Variants in PHACTR1 observed in about 807,000 individuals in gnomAD.
The protein encoded by PHACTR1 is phosphatase and actin regulator 1.
In PHACTR1, 16 loss-of-function variants were observed where a neutral mutation model predicts 69.2. The observed-to-expected ratio is 0.23, with a 90% confidence interval of 0.16 to 0.35. The LOEUF is 0.35. Among genes scored for constraint, PHACTR1 ranks in the 10% least tolerant of loss-of-function variants. The pLI is 1.00. For missense variants in PHACTR1, 510 were observed against 734.7 expected (o/e 0.69, Z 3.54); for synonymous variants, 312 against 284.5 (o/e 1.10, Z -0.97).
At chr6:12,801,147 C>T (rs1375324517) in intron 4 of PHACTR1, among the ~76,000 whole-genome samples, 2 of 151,978 alleles carry the variant, frequency 1.3e-5, no homozygotes, top group East Asian at 1.9e-4. Flanking sequence ...GGTGAAGTAA[C>T]TTGGACAAAG....
At position 13,286,131 on chromosome 6, in the gene PHACTR1, T is replaced by G; in HGVS notation, c.1651-15T>G. On this transcript the variant is annotated splice_polypyrimidine_tract_variant and intron_variant, in intron 13 of 14. Transcript: ENST00000332995. ...TCTCTCCCATTGCACATTGATGGGC[T>G]TCTGTTGATTCCAGGCTGCCATCCG... 1 of 1,592,620 alleles carries G rather than the reference T, an allele frequency of 6.3e-7. No homozygotes were observed. The highest frequency in any genetic ancestry group is 8.5e-7 in the Non-Finnish European group (1 of 1,171,048).
At chr6:12,865,460 GTGT>G (rs1781358323) in intron 4 of PHACTR1, among the ~76,000 whole-genome samples, 1 of 29,434 alleles carries the variant, frequency 3.4e-5, no homozygotes, top group East Asian at 6.1e-3. Context: ...TTTAATGGGT[GTGT>G]GTGTGTGTGT....
intron 12 of PHACTR1, among the ~76,000 whole-genome samples, chr6:13,281,828 C>T (rs1166933128): frequency 6.6e-6 from 1 of 152,200 alleles, no homozygotes; most frequent in African/African-American, 2.4e-5. Flanking sequence ...TGGGTTCCCG[C>T]GACAGGCCCA....
At chr6:12,975,615 C>T (rs1219937213) in intron 4 of PHACTR1, among the ~76,000 whole-genome samples, 1 of 152,156 alleles carries the variant, frequency 6.6e-6, no homozygotes, top group Non-Finnish European at 1.5e-5. Context: ...GGGTCTCACT[C>T]CGTCACCCAG....
At chr6:12,998,112 T>C (rs1446397709) in intron 4 of PHACTR1, among the ~76,000 whole-genome samples, 1 of 152,162 alleles carries the variant, frequency 6.6e-6, no homozygotes, top group Non-Finnish European at 1.5e-5. Context: ...TAAATCAGTA[T>C]AGGAAAAATC....
intron 3 of PHACTR1, among the ~76,000 whole-genome samples, chr6:12,739,334 C>A (rs2127582745): frequency 6.6e-6 from 1 of 151,720 alleles, no homozygotes; most frequent in South Asian, 2.1e-4. Context: ...GCGAGACACA[C>A]CAAAAAAAGA....
intron 5 of PHACTR1, among the ~76,000 whole-genome samples, chr6:13,106,923 ACTTT>A (rs1478636658): frequency 6.6e-6 from 1 of 152,080 alleles, no homozygotes; most frequent in African/African-American, 2.4e-5. Flanking sequence ...ACTGTATTAT[ACTTT>A]CTTTATATAT....
chr6:13,067,724 G>C lies in PHACTR1; in HGVS notation c.415+14195G>C, dbSNP rs990106729. ...TTCAATATAACTATCTCTTTCTGCT[G>C]TATGATATATAGGAACAAAATATGC... On this transcript the variant is annotated intron_variant, in intron 5 of 14. Transcript: ENST00000332995. Among the ~76,000 whole-genome samples, 5 of 152,170 alleles carry C rather than the reference G, an allele frequency of 3.3e-5. No individual in the cohort carries two copies. In the South Asian group the frequency reaches 1.0e-3, roughly 31 times the overall value.
Position 12,933,634 on chromosome 6 carries a change from C to T in PHACTR1, c.251-119731C>T, listed in dbSNP as rs16873499. ...TCTTCATGTTTCCACAATGTCCAGG[C>T]GTTTCCCTTTTTGGGGATATGGATG... On this transcript the variant is annotated intron_variant, in intron 4 of 14. Transcript: ENST00000332995. 596 of 1,612,654 alleles carry T rather than the reference C, an allele frequency of 3.7e-4. 4 individuals are homozygous for T. In the African/African-American group the frequency reaches 6.9e-3, roughly 19 times the overall value.
chr6:12,890,428 C>T (rs1338280752), intron 4 of PHACTR1, among the ~76,000 whole-genome samples: 1 of 152,058 alleles, frequency 6.6e-6, no homozygotes, highest in Admixed American at 6.6e-5. Context: ...TCTTCAAAAC[C>T]CTGAAATGGC....
chr6:12,959,189 AAAAAAAGAAAAG>A (rs1469102468), intron 4 of PHACTR1, among the ~76,000 whole-genome samples: 14 of 108,722 alleles, frequency 1.3e-4, no homozygotes, highest in African/African-American at 7.9e-4. Context: ...AAAAAAAAAA[AAAAAAAGAAAAG>A]AAAAAAAAAA....
At chr6:13,199,797 C>T (rs2113838033) in intron 7 of PHACTR1, among the ~76,000 whole-genome samples, 1 of 151,834 alleles carries the variant, frequency 6.6e-6, no homozygotes, top group South Asian at 2.1e-4. Flanking sequence ...GAAAAATTCA[C>T]CCACAAGGAT....
At chr6:12,845,437 C>CT (rs201154667) in intron 4 of PHACTR1, among the ~76,000 whole-genome samples, 3 of 64,910 alleles carry the variant, frequency 4.6e-5, no homozygotes, top group Non-Finnish European at 7.6e-5. Context: ...CCACCCCCCC[C>CT]CCCCCCGCCC....
intron 4 of PHACTR1, among the ~76,000 whole-genome samples, chr6:13,046,948 G>A (rs7451414): frequency 0.12 from 18,940 of 152,140 alleles, 3,364 homozygotes; most frequent in African/African-American, 0.4. Flanking sequence ...GAAAAATAGT[G>A]TCCTCATATG....
chr6:13,266,726 C>G (rs1403983501), intron 10 of PHACTR1: 1 of 152,222 alleles, frequency 6.6e-6, no homozygotes. Flanking sequence ...TTTAAACAAC[C>G]AGATCTCGCG....
chr6:12,858,973 A>G (rs999415656), intron 4 of PHACTR1, among the ~76,000 whole-genome samples: 2 of 152,208 alleles, frequency 1.3e-5, no homozygotes, highest in African/African-American at 2.4e-5. Flanking sequence ...CATAAGGGAG[A>G]AAACTAAAGC....
chr6:12,744,017 C>T (rs1765441447), intron 3 of PHACTR1, among the ~76,000 whole-genome samples: 1 of 152,180 alleles, frequency 6.6e-6, no homozygotes, highest in African/African-American at 2.4e-5. Context: ...CAAAACCGCT[C>T]AACTACATGG....
Position 13,235,010 on chromosome 6 carries a change from C to T in PHACTR1, c.1391+4817C>T, listed in dbSNP as rs115231293. 2.3e-3 allele frequency among the ~76,000 whole-genome samples: 355 copies of T among 152,222 alleles called. 1 individual carries two copies. Among genetic ancestry groups the T allele is most frequent in the African/African-American group, 8.0e-3 (332 of 41,518 alleles). ...GGTTATTTGTGCCTGAATTGTAATGCGCATGGTGTATCACTGCAGTAGTAC... is the reference window on the plus strand; with the variant it reads ...GGTTATTTGTGCCTGAATTGTAATGTGCATGGTGTATCACTGCAGTAGTAC... On this transcript the variant is annotated intron_variant, in intron 10 of 14. Coordinates refer to ENST00000332995, the MANE Select transcript of PHACTR1 (RefSeq NM_030948.6).
intron 4 of PHACTR1, among the ~76,000 whole-genome samples, chr6:12,770,644 G>A (rs551485621): frequency 3.9e-4 from 60 of 152,262 alleles, no homozygotes; most frequent in Non-Finnish European, 7.2e-4. Flanking sequence ...CTTCAAAAAC[G>A]TTTACAGATG....
Sources: allele counts gnomAD v4.1 joint callset (sites outside exome capture counted in the v4.1 genomes callset), GRCh38; gene constraint gnomAD v4.1.1; transcripts MANE v1.5; gene names NCBI Gene and HGNC (gene_info 2026-07-23, HGNC 2026-07-21).